NXPE2: variants seen among roughly 807,000 people sequenced by gnomAD.
NXPE2 encodes the protein NXPE family member 2.
A neutral mutation model predicts 34.4 loss-of-function variants in NXPE2; 34 were observed. That is an observed-to-expected ratio of 0.99 (90% CI 0.75 to 1.31). NXPE2 has a LOEUF of 1.31. Ranked by LOEUF, NXPE2 falls within the 40% of genes most tolerant of loss-of-function variation. The probability of loss-of-function intolerance (pLI) is 0.00; values close to 1 mark genes in which losing one functional copy is unlikely to be tolerated. For missense variants in NXPE2, 649 were observed against 672.5 expected, an observed-to-expected ratio of 0.97 and a Z score of 0.39; for synonymous variants, 235 against 231.3, an observed-to-expected ratio of 1.02 and a Z score of -0.15.
the NXPE2 span, among the ~76,000 whole-genome samples, chr11:114,635,457 T>C: frequency 0.16 from 24,882 of 151,222 alleles, 2,660 homozygotes; most frequent in Non-Finnish European, 0.22. Context: ...ACCCTTTATT[T>C]CCTTCTCCTG....
the NXPE2 span, among the ~76,000 whole-genome samples, chr11:114,627,920 A>G: frequency 6.6e-5 from 10 of 152,026 alleles, no homozygotes; most frequent in Non-Finnish European, 1.3e-4. Flanking sequence ...AAAGAGACAA[A>G]GAAGGCCATT....
chr11:114,507,168 A>G, the NXPE2 span, among the ~76,000 whole-genome samples: 2 of 151,560 alleles, frequency 1.3e-5, no homozygotes, highest in African/African-American at 4.8e-5. Flanking sequence ...CCAAGACTGA[A>G]CCAGGAAAAA....
Position 114,698,233 on chromosome 11 carries a change from C to G in NXPE2, c.321C>G (p.Thr107=), listed in dbSNP as rs768435096. Residue 107 remains threonine, a synonymous_variant, in exon 3 of 6, where the codon ACC becomes ACG. Coordinates refer to ENST00000389586, the MANE Select transcript of NXPE2 (RefSeq NM_182495.6). ...CTTTCACCCATGTGAATACCACCAC[C>G]AGTGCCACACACAGCACAGCCACCA... ...PRPFTHVNTT[T]SATHSTATIL... 6.2e-7 allele frequency: 1 copy of G among 1,613,860 alleles called. No individual in the cohort carries two copies. The highest frequency in any genetic ancestry group is 8.5e-7 in the Non-Finnish European group (1 of 1,179,846).
chr11:114,615,513 T>G, the NXPE2 span, among the ~76,000 whole-genome samples: 1 of 151,860 alleles, frequency 6.6e-6, no homozygotes, highest in African/African-American at 2.4e-5. Flanking sequence ...TAATACATGT[T>G]GCCTCACAGG....
the NXPE2 span, among the ~76,000 whole-genome samples, chr11:114,761,362 C>T: frequency 6.6e-6 from 1 of 152,104 alleles, no homozygotes; most frequent in Non-Finnish European, 1.5e-5. Flanking sequence ...GAACAAGAAC[C>T]TACGATGGTG....
the NXPE2 span, among the ~76,000 whole-genome samples, chr11:114,592,524 C>A: frequency 1.3e-5 from 2 of 151,844 alleles, no homozygotes; most frequent in African/African-American, 4.8e-5. Context: ...AACACACACA[C>A]ACACACTCAC....
In NXPE2 at chr11:114,703,883, AG is replaced by A. The variant is rs899109255; in HGVS notation, c.867-102del. On this transcript the variant is annotated intron_variant, in intron 3 of 5. Coordinates refer to ENST00000389586, the MANE Select transcript of NXPE2 (RefSeq NM_182495.6). ...AGGATATCTTAAATATATCAAAATA[AG>A]GGGGGAAAGGCATTTGGAGAAGAGA... 1.3e-5 allele frequency: 10 copies of A among 770,506 alleles called. No individual in the cohort carries two copies. The Admixed American group carries it at 1.8e-4, about 14-fold the overall frequency. 47.7% of individuals were successfully genotyped at this position (770,506 alleles called of 1,614,324 possible). A position where few individuals can be genotyped will look rare whatever the true frequency, so the allele number is the denominator to read the frequency against.
chr11:114,550,281 A>G, the NXPE2 span, among the ~76,000 whole-genome samples: 2 of 152,156 alleles, frequency 1.3e-5, no homozygotes, highest in South Asian at 4.1e-4. Flanking sequence ...AGAAAAGCCA[A>G]AAGTGTTGGG....
chr11:114,550,422 A>C, the NXPE2 span, among the ~76,000 whole-genome samples: 2 of 152,192 alleles, frequency 1.3e-5, no homozygotes, highest in Admixed American at 6.5e-5. Flanking sequence ...AGACCTCATT[A>C]TATATACAAA....
the NXPE2 span, among the ~76,000 whole-genome samples, chr11:114,575,064 C>T: frequency 2.0e-5 from 3 of 151,972 alleles, no homozygotes; most frequent in Non-Finnish European, 2.9e-5. Context: ...ATGTGATACA[C>T]CATATAAATA....
the NXPE2 span, chr11:114,523,088 C>G: frequency 2.5e-5 from 41 of 1,610,228 alleles, no homozygotes; most frequent in Non-Finnish European, 3.5e-5. Context: ...TATTTTTTCT[C>G]TCTCTGGTAA....
intron 2 of NXPE2, among the ~76,000 whole-genome samples, chr11:114,686,847 AT>A (rs1205949144): frequency 4.6e-5 from 7 of 152,106 alleles, no homozygotes; most frequent in African/African-American, 1.7e-4. Flanking sequence ...TGGAGTTTTG[AT>A]TTGCATATCT....
the NXPE2 span, among the ~76,000 whole-genome samples, chr11:114,648,573 T>C: frequency 6.6e-6 from 1 of 152,216 alleles, no homozygotes; most frequent in Non-Finnish European, 1.5e-5. Flanking sequence ...TTATCAAATA[T>C]GTATACCTCA....
the NXPE2 span, among the ~76,000 whole-genome samples, chr11:114,774,876 T>A: frequency 2.0e-5 from 3 of 152,188 alleles, no homozygotes; most frequent in South Asian, 6.2e-4. Flanking sequence ...CTTGACTGTG[T>A]CTATGAGGAC....
chr11:114,790,856 C>T, the NXPE2 span, among the ~76,000 whole-genome samples: 1 of 152,126 alleles, frequency 6.6e-6, no homozygotes, highest in African/African-American at 2.4e-5. Flanking sequence ...CTTCCCCCTC[C>T]CTGTCCCTGA....
the NXPE2 span, among the ~76,000 whole-genome samples, chr11:114,779,660 A>G: frequency 1.1e-4 from 17 of 152,104 alleles, no homozygotes; most frequent in Non-Finnish European, 7.4e-5. Flanking sequence ...GACAGTGACA[A>G]TGACCTCCAG....
At chr11:114,615,582 G>C in the NXPE2 span, among the ~76,000 whole-genome samples, 1 of 150,778 alleles carries the variant, frequency 6.6e-6, no homozygotes, top group Non-Finnish European at 1.5e-5. Context: ...CCTTTACCTG[G>C]TGAATAATAT....
chr11:114,685,644 G>T (rs1951032292), intron 2 of NXPE2, among the ~76,000 whole-genome samples: 2 of 152,170 alleles, frequency 1.3e-5, no homozygotes, highest in Admixed American at 6.5e-5. Context: ...TCTAGTGTGT[G>T]TATGTGTGTG....
the NXPE2 span, among the ~76,000 whole-genome samples, chr11:114,500,188 A>C: frequency 6.6e-6 from 1 of 151,980 alleles, no homozygotes; most frequent in Non-Finnish European, 1.5e-5. Context: ...AAACTGACAA[A>C]CTGTTTTCTA....
Sources: gnomAD v4.1 joint callset for allele counts (sites outside exome capture counted in the v4.1 genomes callset) on GRCh38, gnomAD v4.1.1 for gene constraint, MANE v1.5 for transcripts, NCBI Gene and HGNC (gene_info 2026-07-23, HGNC 2026-07-21) for gene names.